MYO16: variants seen among roughly 807,000 people sequenced by gnomAD.
MYO16 encodes myosin XVI.
A neutral mutation model predicts 205.3 loss-of-function variants in MYO16; 94 were observed. That is an observed-to-expected ratio of 0.46 (90% CI 0.39 to 0.54). The LOEUF is 0.54. Among genes scored for constraint, MYO16 ranks in the 20% least tolerant of loss-of-function variants. MYO16 has a pLI of 0.00. For synonymous variants in MYO16, 988 were observed against 954.0 expected, an observed-to-expected ratio of 1.04 and a Z score of -0.66; for missense variants, 2,315 against 2,387.5, an observed-to-expected ratio of 0.97 and a Z score of 0.63.
In MYO16 at chr13:108,806,802, C is replaced by A; in HGVS notation, c.865C>A (p.Gln289Lys). 6.5e-7 allele frequency: 1 copy of A among 1,529,140 alleles called. No homozygotes were observed. The highest frequency in any genetic ancestry group is 1.8e-5 in the Admixed American group (1 of 55,778). The allele number at this position is 1,529,140 out of a possible 1,614,324, so 94.7% of individuals were successfully genotyped here. A position where few individuals can be genotyped will look rare whatever the true frequency, so the allele number is the denominator to read the frequency against. Reference sequence around the variant, plus strand: ...CCTCCACTTGGCAGCCAAATATGGCCAGGTAGAGTGATTTGCTGAATTCTT... The same window carrying A: ...CCTCCACTTGGCAGCCAAATATGGCAAGGTAGAGTGATTTGCTGAATTCTT... The part of the protein sequence containing the change: ...TPLHLAAKYG[Q>K]TNLVKLLLMH... The change falls in exon 7 of 35, where the codon CAG (glutamine) becomes AAG (lysine). Residue 289 changes from glutamine to lysine, a missense_variant and splice_region_variant. Physicochemically the swap from Gln to Lys is moderately conservative, Grantham distance 53. Transcript: ENST00000457511.
At chr13:109,188,390 A>G (rs866349179) in intron 34 of MYO16, among the ~76,000 whole-genome samples, 1 of 152,132 alleles carries the variant, frequency 6.6e-6, no homozygotes, top group Non-Finnish European at 1.5e-5. Context: ...TCATCTTTCT[A>G]TATTTGACAT....
rs148980574 is a variant in MYO16, at chr13:108,826,919, T to G, written c.1097+3641T>G. 4.5e-3 allele frequency among the ~76,000 whole-genome samples: 687 copies of G among 152,258 alleles called. 6 individuals are homozygous for G. Among genetic ancestry groups the G allele is most frequent in the African/African-American group, 0.016 (646 of 41,548 alleles). On this transcript the variant is annotated intron_variant, in intron 9 of 34. Transcript: ENST00000457511. ...CAAGGATGTGGAGGAACTGCCACTC[T>G]CGTATGGTGGTAGTGGGAATGTCAA...
At chr13:108,684,095 C>T (rs1272724141) in intron 2 of MYO16, among the ~76,000 whole-genome samples, 1 of 152,272 alleles carries the variant, frequency 6.6e-6, no homozygotes, top group East Asian at 1.9e-4. Flanking sequence ...AAGATGGCCT[C>T]GATCTCCTGA....
At chr13:109,155,769 A>G (rs1160087762) in intron 32 of MYO16, among the ~76,000 whole-genome samples, 1 of 152,146 alleles carries the variant, frequency 6.6e-6, no homozygotes, top group African/African-American at 2.4e-5. Context: ...GCAGTGTGTC[A>G]CCTCCATGAG....
chr13:108,623,065 G>C (rs577505890), intron 1 of MYO16, among the ~76,000 whole-genome samples: 3 of 152,096 alleles, frequency 2.0e-5, no homozygotes, highest in Non-Finnish European at 4.4e-5. Flanking sequence ...TAAGCCCATG[G>C]GCCTGGGAGG....
At chr13:108,819,387 A>G (rs527611682) in intron 7 of MYO16, among the ~76,000 whole-genome samples, 1 of 152,306 alleles carries the variant, frequency 6.6e-6, no homozygotes, top group South Asian at 2.1e-4. Flanking sequence ...TTTCATTTCT[A>G]TGAATGTCAC....
intron 28 of MYO16, among the ~76,000 whole-genome samples, chr13:109,104,229 A>G (rs1160452009): frequency 6.6e-6 from 1 of 152,182 alleles, no homozygotes; most frequent in Non-Finnish European, 1.5e-5. Flanking sequence ...ATCTGAAGTC[A>G]TTTTGCTCAT....
At chr13:108,526,665 A>T in the MYO16 span, among the ~76,000 whole-genome samples, 1 of 152,204 alleles carries the variant, frequency 6.6e-6, no homozygotes, top group African/African-American at 2.4e-5. Flanking sequence ...CAAAAATACA[A>T]TTTACATATT....
chr13:108,962,403 A>G (rs767055466), intron 18 of MYO16, 21 bp from the exon 19 acceptor site: 11 of 1,591,172 alleles, frequency 6.9e-6, no homozygotes, highest in East Asian at 2.2e-5. Flanking sequence ...CTTTATGTTT[A>G]TAATGCTGAT....
chr13:108,842,075 A>C (rs1877270528), intron 9 of MYO16, among the ~76,000 whole-genome samples: 1 of 152,194 alleles, frequency 6.6e-6, no homozygotes, highest in South Asian at 2.1e-4. Flanking sequence ...AAATTAAGTC[A>C]AAATGGATGA....
the MYO16 span, among the ~76,000 whole-genome samples, chr13:108,534,544 T>C: frequency 2.0e-5 from 3 of 151,938 alleles, no homozygotes; most frequent in Non-Finnish European, 4.4e-5. Flanking sequence ...TACGAAAAAA[T>C]TGCAGTTTTT....
intron 27 of MYO16, among the ~76,000 whole-genome samples, chr13:109,069,601 T>C (rs1451532444): frequency 2.1e-5 from 1 of 47,210 alleles, no homozygotes; most frequent in Non-Finnish European, 4.7e-5. Context: ...GGCTCTACAC[T>C]GTGTGCTCAT....
At chr13:108,820,070 A>G (rs1027489941) in intron 7 of MYO16, among the ~76,000 whole-genome samples, 1 of 152,226 alleles carries the variant, frequency 6.6e-6, no homozygotes, top group African/African-American at 2.4e-5. Flanking sequence ...TAAACCTGAA[A>G]GTTATAAAGT....
At chr13:109,074,560 A>G (rs754846135) in intron 27 of MYO16, among the ~76,000 whole-genome samples, 4 of 152,158 alleles carry the variant, frequency 2.6e-5, no homozygotes, top group Non-Finnish European at 5.9e-5. Context: ...CGAGAACAGC[A>G]TGGGGGAACA....
rs1879883375 is a variant in MYO16, at chr13:108,629,636, G to A, written c.-209G>A. ...ACCAGTGGTGCCTCAAGACCCACCG[G>A]GGAGAGGCTTATCTTAACTCCAGCT... On this transcript the variant is annotated 5_prime_UTR_variant, in exon 1 of 35. Transcript: ENST00000457511. 5.8e-6 allele frequency: 3 copies of A among 517,238 alleles called. No homozygotes were observed. The highest frequency in any genetic ancestry group is 6.2e-5 in the South Asian group (2 of 32,420). 32.0% of individuals were successfully genotyped at this position (517,238 alleles called of 1,614,324 possible).
chr13:108,972,255 A>C (rs373426460), intron 20 of MYO16, among the ~76,000 whole-genome samples: 613 of 18,744 alleles, frequency 0.033, 22 homozygotes, highest in Non-Finnish European at 0.044. Flanking sequence ...CTCTCTATAT[A>C]TATATATATA....
chr13:108,667,854 T>G (rs1474986695), intron 2 of MYO16, among the ~76,000 whole-genome samples: 1 of 152,086 alleles, frequency 6.6e-6, no homozygotes, highest in East Asian at 1.9e-4. Flanking sequence ...GAGACAAGCC[T>G]GGGCAACATA....
At chr13:108,768,442 T>C (rs1024667538) in intron 4 of MYO16, among the ~76,000 whole-genome samples, 28 of 152,228 alleles carry the variant, frequency 1.8e-4, no homozygotes, top group African/African-American at 6.8e-4. Flanking sequence ...TGGCAACTTT[T>C]GTTGTTTAAT....
chr13:108,843,513 CAA>C (rs34805521), intron 9 of MYO16, among the ~76,000 whole-genome samples: 3 of 151,346 alleles, frequency 2.0e-5, no homozygotes, highest in Non-Finnish European at 2.9e-5. Context: ...TTAAAAGAGG[CAA>C]AAAAAAAATT....
Sources: gnomAD v4.1 joint callset for allele counts (sites outside exome capture counted in the v4.1 genomes callset) on GRCh38, gnomAD v4.1.1 for gene constraint, MANE v1.5 for transcripts, NCBI Gene and HGNC (gene_info 2026-07-23, HGNC 2026-07-21) for gene names.